Variants in XRN1 observed in about 807,000 individuals in gnomAD.
XRN1 encodes strand-exchange protein 1 homolog.
In XRN1, 67 loss-of-function variants were observed where a neutral mutation model predicts 222.3. The ratio of observed to expected loss-of-function variants is 0.30; its 90% CI spans 0.25 to 0.37. The LOEUF is 0.37. XRN1 is among the 10% of genes least tolerant of loss of function. XRN1 has a pLI of 1.00. For missense variants in XRN1, 1,707 were observed against 2,000.2 expected (o/e 0.85, Z 2.80); for synonymous variants, 643 against 652.4 (o/e 0.99, Z 0.22).
rs1228081115 is a variant in XRN1 at position 142,422,913 on chromosome 3, A to G, written c.720T>C (p.Ala240=). ...GAAGGTGAAATGTAGTTTCTTCTGG[A>G]GCACATACCCTGGAATTAGTCAGAT... ...FGGKKTQRVC[A]PEETTFHLLH... is the part of the protein sequence containing the mutation. The change falls in exon 7 of 41, where the codon GCT becomes GCC. Residue 240 remains alanine, a synonymous_variant. Transcript: ENST00000392981. The G allele has an allele frequency of 4.3e-6, 7 of 1,611,428 alleles. No individual in the cohort carries two copies. The African/African-American group carries it at 5.3e-5, about 12-fold the overall frequency.
chr3:142,378,555 T>TA (rs2067209100), intron 23 of XRN1, among the ~76,000 whole-genome samples: 1 of 151,998 alleles, frequency 6.6e-6, no homozygotes, highest in African/African-American at 2.4e-5. Flanking sequence ...TGATAAACAA[T>TA]AAAGTTGAAT....
chr3:142,347,097 A>G (rs1487377820), intron 33 of XRN1, 137 bp downstream of exon 33: 3 of 653,096 alleles, frequency 4.6e-6, no homozygotes. Flanking sequence ...CAATTTTGTG[A>G]AAATACAAAA....
At position 142,448,029 on chromosome 3, in the gene XRN1, T is replaced by G; in HGVS notation, c.-85A>C. The G allele has an allele frequency of 6.9e-7, 1 of 1,442,802 alleles. No individual in the cohort carries two copies. The highest frequency in any genetic ancestry group is 1.4e-5 in the African/African-American group (1 of 71,062). The allele number at this position is 1,442,802 out of a possible 1,614,324, so 89.4% of individuals were successfully genotyped here. ...CTCCGCCGCAGCCTCCGGTCGTCGC[T>G]CCGCGGATGACAACACACCGCCCGG... is the stretch of plus-strand genomic sequence containing the variant. On this transcript the variant is annotated 5_prime_UTR_variant, in exon 1 of 41. Transcript: ENST00000392981.
intron 25 of XRN1, among the ~76,000 whole-genome samples, chr3:142,373,255 A>T (rs192338782): frequency 0.013 from 1,907 of 152,144 alleles, 41 homozygotes; most frequent in African/African-American, 0.043. Context: ...TCAAATAGAA[A>T]TTTTAAATGA....
At chr3:142,331,501 G>C (rs7616428) in intron 36 of XRN1, among the ~76,000 whole-genome samples, 13 of 152,162 alleles carry the variant, frequency 8.5e-5, no homozygotes, top group African/African-American at 2.9e-4. Flanking sequence ...GTTGGACATA[G>C]TGCTGTTTTA....
At chr3:142,343,187 C>A (rs543260674) in intron 33 of XRN1, among the ~76,000 whole-genome samples, 1 of 151,796 alleles carries the variant, frequency 6.6e-6, no homozygotes, top group Non-Finnish European at 1.5e-5. Flanking sequence ...CTCAGCCAGG[C>A]GCTCACACCT....
rs2107833086 is a variant in XRN1 at position 142,357,092 on chromosome 3, C to T, written c.3492G>A (p.Leu1164=). 6.2e-7 allele frequency: 1 copy of T among 1,612,654 alleles called. No individual in the cohort carries two copies. The highest frequency in any genetic ancestry group is 2.2e-5 in the East Asian group (1 of 44,748). The change falls in exon 31 of 41, where the codon CTG becomes CTA. Residue 1164 remains leucine (L), a synonymous_variant. Coordinates refer to ENST00000392981, the MANE Select transcript of XRN1 (RefSeq NM_001282857.2). ...AAAGGTTCACCAAGGCACTTGTTGG[C>T]AGTCGATAACCTCTACCAGGTGAGC... ...IRCSPGRGYR[L]PTSALVNLSH... is the part of the protein sequence containing the mutation.
intron 37 of XRN1, among the ~76,000 whole-genome samples, chr3:142,328,291 T>C (rs147113648): frequency 6.6e-6 from 1 of 152,204 alleles, no homozygotes; most frequent in Non-Finnish European, 1.5e-5. Flanking sequence ...TCTTCCCTCC[T>C]AGTACTACTT....
Position 142,311,192 on chromosome 3 carries a change from A to G in XRN1, c.*319T>C, listed in dbSNP as rs1248529212. On this transcript the variant is annotated 3_prime_UTR_variant, in exon 41 of 41. Coordinates refer to ENST00000392981, the MANE Select transcript of XRN1 (RefSeq NM_001282857.2). ...TCAGGATGCTTCAATCATGAGGCCA[A>G]TGATTAGAGTGGTACATTTTAATGT... is the stretch of plus-strand genomic sequence containing the variant. 1.7e-5 allele frequency: 3 copies of G among 177,090 alleles called. No homozygotes were observed. The highest frequency in any genetic ancestry group is 1.6e-4 in the South Asian group (1 of 6,130). 11.0% of individuals were successfully genotyped at this position (177,090 alleles called of 1,614,324 possible).
In XRN1 at chr3:142,370,575, A is replaced by C. The variant is rs2066957904; in HGVS notation, c.3114T>G (p.Pro1038=). The C allele has an allele frequency of 6.2e-7, 1 of 1,602,476 alleles. No individual in the cohort carries two copies. The highest frequency in any genetic ancestry group is 8.5e-7 in the Non-Finnish European group (1 of 1,176,178). Residue 1038 remains proline, a synonymous_variant, in exon 27 of 41, where the codon CCT becomes CCG. Coordinates refer to ENST00000392981, the MANE Select transcript of XRN1 (RefSeq NM_001282857.2). ...QEIITWLKGH[P]VSTLSRSSCD... ...AAGAAGAACGAGATAAAGTACTGAC[A>C]GGATGTCCTTTTAGCCAAGTAATAA...
At position 142,312,693 on chromosome 3, in the gene XRN1, G is replaced by T; in HGVS notation, c.4687C>A (p.Pro1563Thr). 1 of 1,613,880 alleles carries T rather than the reference G, an allele frequency of 6.2e-7. No individual in the cohort carries two copies. Among genetic ancestry groups the T allele is most frequent in the Non-Finnish European group, 8.5e-7 (1 of 1,179,800 alleles). ...SMPWGPSVPV[P>T]GKPFHHTLYS... Reference sequence around the variant, plus strand: ...AAAGTATGATGGAAGGGCTTCCCAGGAACTGGCACCGATGGTCCCCATGGC... The same window carrying T: ...AAAGTATGATGGAAGGGCTTCCCAGTAACTGGCACCGATGGTCCCCATGGC... The change falls in exon 40 of 41, where the codon CCT becomes ACT. Residue 1563 changes from proline to threonine, a missense_variant. This residue lies in a region of XRN1 where 473 missense variants were observed against 482.0 expected (regional missense o/e 0.98). Transcript: ENST00000392981.
intron 25 of XRN1, among the ~76,000 whole-genome samples, chr3:142,374,026 T>A (rs1344938337): frequency 6.6e-6 from 1 of 151,922 alleles, no homozygotes; most frequent in Non-Finnish European, 1.5e-5. Flanking sequence ...GGGAAAATAA[T>A]CTCCAATCTA....
chr3:142,411,419 G>T (rs2068574573), intron 15 of XRN1, among the ~76,000 whole-genome samples: 1 of 151,948 alleles, frequency 6.6e-6, no homozygotes, highest in South Asian at 2.1e-4. Flanking sequence ...TAAGTTAGAA[G>T]CTTAGGTAAT....
At position 142,403,749 on chromosome 3, in the gene XRN1, A is replaced by G; in HGVS notation, c.2028T>C (p.Val676=). The G allele has an allele frequency of 6.2e-7, 1 of 1,613,150 alleles. No homozygotes were observed. Among genetic ancestry groups the G allele is most frequent in the Non-Finnish European group, 8.5e-7 (1 of 1,179,540 alleles). The change falls in exon 18 of 41, where the codon GTT becomes GTC. Residue 676 remains valine (V), a synonymous_variant. Transcript: ENST00000392981. ...RHKFFLKKSG[V]QVFQQSSRGE... ...CACGACTGCTTTGCTGGAATACTTG[A>G]ACACCACTTTTCTTCAAAAAAAACT...
intron 32 of XRN1, among the ~76,000 whole-genome samples, chr3:142,353,868 T>G (rs184743872): frequency 1.2e-4 from 18 of 152,160 alleles, no homozygotes; most frequent in Admixed American, 3.3e-4. Context: ...GCTAAAAAAA[T>G]TATCAACAGA....
At chr3:142,340,455 A>G (rs935802275) in intron 33 of XRN1, among the ~76,000 whole-genome samples, 15 of 151,814 alleles carry the variant, frequency 9.9e-5, no homozygotes, top group African/African-American at 3.4e-4. Flanking sequence ...GGGCAAATCT[A>G]AGATTATTAG....
At position 142,307,049 on chromosome 3, in the gene XRN1, A is replaced by G. The variant is rs1044710944; in HGVS notation, c.*4462T>C. The G allele has an allele frequency of 1.3e-5, 2 of 152,618 alleles. No homozygotes were observed. Among genetic ancestry groups the G allele is most frequent in the Non-Finnish European group, 2.9e-5 (2 of 68,040 alleles). 9.5% of individuals were successfully genotyped at this position (152,618 alleles called of 1,614,324 possible). A position where few individuals can be genotyped will look rare whatever the true frequency, so the allele number is the denominator to read the frequency against. ...TGACAGCACAGCATCTATTACTCACATTAAACTAGATGAAAATACTCAAAG... is the reference window on the plus strand; with the variant it reads ...TGACAGCACAGCATCTATTACTCACGTTAAACTAGATGAAAATACTCAAAG... On this transcript the variant is annotated 3_prime_UTR_variant, in exon 41 of 41. Coordinates refer to ENST00000392981, the MANE Select transcript of XRN1 (RefSeq NM_001282857.2).
intron 37 of XRN1, among the ~76,000 whole-genome samples, chr3:142,324,988 G>C (rs2065477490): frequency 6.6e-6 from 1 of 152,070 alleles, no homozygotes; most frequent in South Asian, 2.1e-4. Context: ...GGTTGATTTT[G>C]TATCTTGGCT....
chr3:142,395,268 G>A (rs2067885935), intron 20 of XRN1, among the ~76,000 whole-genome samples: 1 of 152,154 alleles, frequency 6.6e-6, no homozygotes, highest in South Asian at 2.1e-4. Context: ...GGGGGAATAT[G>A]GTAGCAAAGA....
Sources: gnomAD v4.1 joint callset for allele counts (sites outside exome capture counted in the v4.1 genomes callset) on GRCh38, gnomAD v4.1.1 for gene constraint, gnomAD v4.1.1 regional missense constraint, MANE v1.5 for transcripts, NCBI Gene and HGNC (gene_info 2026-07-23, HGNC 2026-07-21) for gene names.